The following TANC2 variants were observed in gnomAD, a reference collection of about 807,000 sequenced individuals.
The protein encoded by TANC2 is protein TANC2.
TANC2 carries 26 observed loss-of-function variants against 210.5 expected under a neutral mutation model. That is an observed-to-expected ratio of 0.12 (90% CI 0.09 to 0.17). TANC2 has a LOEUF of 0.17. Ranked by LOEUF, TANC2 falls within the 10% of genes least tolerant of loss-of-function variation. The probability of loss-of-function intolerance (pLI) is 1.00; values close to 1 mark genes in which losing one functional copy is unlikely to be tolerated. For missense variants in TANC2, 2,129 were observed against 2,608.9 expected, an observed-to-expected ratio of 0.82 and a Z score of 4.01; for synonymous variants, 931 against 967.1, an observed-to-expected ratio of 0.96 and a Z score of 0.69.
chr17:63,299,142 T>G (rs986211023), intron 9 of TANC2, among the ~76,000 whole-genome samples: 2 of 152,216 alleles, frequency 1.3e-5, no homozygotes, highest in African/African-American at 4.8e-5. Context: ...ATGTTGTATA[T>G]GTACCACATT....
chr17:63,425,271 C>G (rs1327521746), exon 28 of TANC2: 1 of 152,144 alleles, frequency 6.6e-6, no homozygotes, highest in East Asian at 1.9e-4. Context: ...GTACAGTACC[C>G]CAGGTCGTTG....
intron 2 of TANC2, among the ~76,000 whole-genome samples, chr17:63,050,051 G>A (rs2035522868): frequency 6.6e-6 from 1 of 152,066 alleles, no homozygotes; most frequent in Non-Finnish European, 1.5e-5. Context: ...ATACCTGTGT[G>A]ATATAAAAGT....
intron 2 of TANC2, among the ~76,000 whole-genome samples, chr17:63,037,815 A>C (rs1256318668): frequency 3.3e-5 from 5 of 152,190 alleles, no homozygotes; most frequent in Admixed American, 3.3e-4. Flanking sequence ...TCCATCTCAA[A>C]AAATAAAATA....
At chr17:63,065,804 C>T (rs962969888) in intron 2 of TANC2, among the ~76,000 whole-genome samples, 3 of 152,168 alleles carry the variant, frequency 2.0e-5, no homozygotes, top group Non-Finnish European at 4.4e-5. Context: ...AGCTTCTTAT[C>T]AGATGTATGG....
intron 9 of TANC2, among the ~76,000 whole-genome samples, chr17:63,274,437 A>G (rs890283725): frequency 5.9e-5 from 9 of 152,182 alleles, no homozygotes; most frequent in African/African-American, 1.9e-4. Context: ...ACCTACTACA[A>G]GCGCCTTTTC....
At chr17:63,099,302 C>G (rs1366164980) in exon 4 of TANC2, 1 of 1,569,320 alleles carries the variant, frequency 6.4e-7, no homozygotes, top group Non-Finnish European at 8.6e-7. Flanking sequence ...CATCCTCCCC[C>G]TTACTCACAC....
chr17:63,145,439 T>C lies in TANC2; in HGVS notation c.323-5831T>C, dbSNP rs527694771. On this transcript the variant is annotated intron_variant, in intron 4 of 27. Transcript: ENST00000689528. ...TTTGTTAAAACTTTTTAAAATATAG[T>C]TTTCTCTTTCCAGATAAATTTCTCA... is the stretch of plus-strand genomic sequence containing the variant. Among the ~76,000 whole-genome samples, 3 of 152,318 alleles carry C rather than the reference T, an allele frequency of 2.0e-5. No individual in the cohort carries two copies. The East Asian group carries it at 5.8e-4, about 29-fold the overall frequency.
intron 19 of TANC2, among the ~76,000 whole-genome samples, chr17:63,401,181 C>A (rs745888246): frequency 6.6e-6 from 1 of 152,110 alleles, no homozygotes; most frequent in Non-Finnish European, 1.5e-5. Context: ...TGCTTCCTCC[C>A]ATGACAAAAT....
At chr17:63,140,116 T>C (rs1445248095) in intron 4 of TANC2, among the ~76,000 whole-genome samples, 2 of 152,186 alleles carry the variant, frequency 1.3e-5, no homozygotes, top group East Asian at 1.9e-4. Context: ...TGAACATAAC[T>C]AGAAGATTAA....
chr17:63,227,386 T>A (rs1357489175), intron 7 of TANC2, among the ~76,000 whole-genome samples: 1 of 152,222 alleles, frequency 6.6e-6, no homozygotes, highest in Non-Finnish European at 1.5e-5. Flanking sequence ...GTTGGCTGCA[T>A]AAATGTCTTC....
At chr17:63,120,562 C>G (rs1377746274) in intron 4 of TANC2, 1 of 151,856 alleles carries the variant, frequency 6.6e-6, no homozygotes, top group Non-Finnish European at 1.5e-5. Flanking sequence ...GCTTGTAATC[C>G]CACCACTTTG....
At chr17:63,267,788 T>C in exon 9 of TANC2, 3 of 1,613,120 alleles carry the variant, frequency 1.9e-6, no homozygotes, top group Non-Finnish European at 2.5e-6. Flanking sequence ...CTTACCTGGA[T>C]GAGCAGAGAC....
intron 14 of TANC2, among the ~76,000 whole-genome samples, chr17:63,360,929 C>T (rs1343723418): frequency 3.9e-5 from 6 of 152,316 alleles, no homozygotes; most frequent in Admixed American, 2.0e-4. Flanking sequence ...TTTCACTTAA[C>T]GTAATGACCT....
intron 5 of TANC2, among the ~76,000 whole-genome samples, chr17:63,161,423 G>A (rs2040020952): frequency 6.6e-6 from 1 of 152,056 alleles, no homozygotes; most frequent in South Asian, 2.1e-4. Context: ...TCCATTTGTT[G>A]CAGTCACTTT....
intron 18 of TANC2, among the ~76,000 whole-genome samples, chr17:63,397,807 T>C (rs2048217069): frequency 6.6e-6 from 1 of 152,252 alleles, no homozygotes; most frequent in South Asian, 2.1e-4. Context: ...GAGTATTCTT[T>C]AACCTTTGTT....
At chr17:63,068,714 T>A (rs919444946) in intron 2 of TANC2, among the ~76,000 whole-genome samples, 4 of 152,048 alleles carry the variant, frequency 2.6e-5, no homozygotes, top group Admixed American at 2.0e-4. Context: ...GTATAAACAT[T>A]TGTGGAGGCA....
chr17:63,229,598 G>A (rs998821099), intron 7 of TANC2, among the ~76,000 whole-genome samples: 1 of 150,270 alleles, frequency 6.7e-6, no homozygotes, highest in Non-Finnish European at 1.5e-5. Context: ...ATTACTATAG[G>A]CTATTTATTA....
chr17:63,198,032 CTT>C (rs1408382254), intron 6 of TANC2, among the ~76,000 whole-genome samples: 4 of 152,132 alleles, frequency 2.6e-5, no homozygotes, highest in African/African-American at 9.7e-5. Context: ...CACAAAATAA[CTT>C]AGAGTAAAAA....
chr17:63,176,601 C>T (rs1052312267), intron 5 of TANC2, among the ~76,000 whole-genome samples: 8 of 151,672 alleles, frequency 5.3e-5, no homozygotes, highest in Non-Finnish European at 1.2e-4. Flanking sequence ...GTCAGAAGAT[C>T]GAGACCATCG....
Sources: gnomAD v4.1 joint callset for allele counts (sites outside exome capture counted in the v4.1 genomes callset) on GRCh38, gnomAD v4.1.1 for gene constraint, MANE v1.5 for transcripts, NCBI Gene and HGNC (gene_info 2026-07-23, HGNC 2026-07-21) for gene names.